KANSL1: variants seen among roughly 807,000 people sequenced by gnomAD.
The protein encoded by KANSL1 is MLL1/MLL complex subunit KANSL1.
In KANSL1, 22 loss-of-function variants were observed where a neutral mutation model predicts 103.6. That is an observed-to-expected ratio of 0.21 (90% CI 0.15 to 0.30). The LOEUF is 0.30. Among genes scored for constraint, KANSL1 ranks in the 10% least tolerant of loss-of-function variants. The pLI is 1.00. For synonymous variants in KANSL1, 600 were observed against 527.6 expected, an observed-to-expected ratio of 1.14 and a Z score of -1.88; for missense variants, 1,337 against 1,399.8, an observed-to-expected ratio of 0.96 and a Z score of 0.72.
rs1162191675 is a variant in KANSL1, at chr17:46,120,798, T to G, written c.1290-26097A>C. 2.0e-5 allele frequency among the ~76,000 whole-genome samples: 3 copies of G among 152,336 alleles called. No homozygotes were observed. In the East Asian group the frequency reaches 5.8e-4, roughly 29 times the overall value. On this transcript the variant is annotated intron_variant, in intron 2 of 14. Coordinates refer to ENST00000432791, the MANE Select transcript of KANSL1 (RefSeq NM_015443.4). ...ATCAAGGTTCGCTTTGTTTTGAATT[T>G]TGACAAATGTAAAACATGTACTTAC...
intron 1 of KANSL1, among the ~76,000 whole-genome samples, chr17:46,185,221 G>A (rs1260541509): frequency 1.3e-5 from 2 of 152,198 alleles, no homozygotes; most frequent in Non-Finnish European, 2.9e-5. Flanking sequence ...ACCAACACAC[G>A]TTAAGCAACC....
intron 3 of KANSL1, among the ~76,000 whole-genome samples, chr17:46,086,156 C>A (rs2079154598): frequency 1.3e-5 from 2 of 151,216 alleles, no homozygotes; most frequent in Admixed American, 6.6e-5. Flanking sequence ...TTCAATTTTT[C>A]TTTTTCAGTT....
At chr17:46,214,855 C>CAGCA (rs1473664026) in intron 1 of KANSL1, among the ~76,000 whole-genome samples, 1 of 152,252 alleles carries the variant, frequency 6.6e-6, no homozygotes, top group Non-Finnish European at 1.5e-5. Context: ...CCACCTTTGA[C>CAGCA]AGCACAGTCA....
At chr17:46,059,048 GAA>G (rs111461865) in intron 6 of KANSL1, among the ~76,000 whole-genome samples, 3 of 108,360 alleles carry the variant, frequency 2.8e-5, no homozygotes, top group Non-Finnish European at 6.1e-5. Context: ...CTCCATCTCG[GAA>G]AAAAAAAAAA....
chr17:46,061,979 C>A (rs1049715119), intron 6 of KANSL1, among the ~76,000 whole-genome samples: 2 of 151,472 alleles, frequency 1.3e-5, no homozygotes, highest in Non-Finnish European at 2.9e-5. Flanking sequence ...GTGATCCCAG[C>A]TACTCAGGAG....
chr17:46,074,758 T>C (rs1350759357), intron 4 of KANSL1, among the ~76,000 whole-genome samples: 1 of 140,996 alleles, frequency 7.1e-6, no homozygotes, highest in African/African-American at 2.7e-5. Context: ...AGTGAGACCC[T>C]ATCTCTAAAT....
chr17:46,183,679 G>T (rs993406294), intron 1 of KANSL1, among the ~76,000 whole-genome samples: 24 of 151,896 alleles, frequency 1.6e-4, no homozygotes, highest in Admixed American at 3.9e-4. Flanking sequence ...GGCCGGGAGA[G>T]GTGGCTCACG....
intron 1 of KANSL1, among the ~76,000 whole-genome samples, chr17:46,200,754 T>G (rs947382020): frequency 1.3e-5 from 2 of 151,828 alleles, no homozygotes; most frequent in African/African-American, 2.4e-5. Context: ...AATATATATA[T>G]ATATATATTT....
chr17:46,208,898 C>G (rs1026282966), intron 1 of KANSL1, among the ~76,000 whole-genome samples: 2 of 151,542 alleles, frequency 1.3e-5, no homozygotes, highest in African/African-American at 4.9e-5. Context: ...AGCCCGGGCG[C>G]AGTGGCTCAC....
chr17:46,193,857 G>A, upstream of KANSL1: 1 of 164,844 alleles, frequency 6.1e-6, no homozygotes, highest in South Asian at 9.7e-5. Context: ...ACGTGAGCGA[G>A]GAACTGTTTG....
intron 6 of KANSL1, among the ~76,000 whole-genome samples, chr17:46,057,326 TTTG>T (rs2077968850): frequency 1.3e-5 from 2 of 152,300 alleles, no homozygotes; most frequent in Middle Eastern, 6.8e-3. Flanking sequence ...AGAAAACTAA[TTTG>T]TTATTTTGAA....
intron 1 of KANSL1, among the ~76,000 whole-genome samples, chr17:46,212,064 A>G (rs887856304): frequency 6.6e-6 from 1 of 152,212 alleles, no homozygotes; most frequent in Non-Finnish European, 1.5e-5. Context: ...ACTTCCTTCC[A>G]TTCTTTTACC....
intron 2 of KANSL1, among the ~76,000 whole-genome samples, chr17:46,161,063 A>G (rs796819885): frequency 8.5e-5 from 13 of 152,286 alleles, no homozygotes; most frequent in African/African-American, 3.1e-4. Flanking sequence ...AATGTGGGCT[A>G]TTATTTCTCT....
intron 1 of KANSL1, among the ~76,000 whole-genome samples, chr17:46,191,963 T>C (rs536310121): frequency 8.2e-6 from 1 of 122,036 alleles, no homozygotes; most frequent in East Asian, 2.4e-4. Context: ...GTTTTATTAA[T>C]AAGTCACAGA....
chr17:46,160,868 G>C (rs1381940700), intron 2 of KANSL1, among the ~76,000 whole-genome samples: 1 of 152,180 alleles, frequency 6.6e-6, no homozygotes, highest in Non-Finnish European at 1.5e-5. Context: ...CCAGGAGATA[G>C]GTAAAGAGCC....
intron 4 of KANSL1, among the ~76,000 whole-genome samples, chr17:46,069,978 T>C (rs1209977562): frequency 6.6e-6 from 1 of 152,022 alleles, no homozygotes; most frequent in Non-Finnish European, 1.5e-5. Context: ...CTATCAAAAA[T>C]TACAGTAAAT....
upstream of KANSL1, among the ~76,000 whole-genome samples, chr17:46,194,791 T>C (rs2047550862): frequency 6.6e-6 from 1 of 152,242 alleles, no homozygotes; most frequent in Non-Finnish European, 1.5e-5. Flanking sequence ...ATACGTCACT[T>C]CTGCTTATCA....
At chr17:46,160,492 C>T (rs2045675475) in intron 2 of KANSL1, among the ~76,000 whole-genome samples, 1 of 152,140 alleles carries the variant, frequency 6.6e-6, no homozygotes, top group Non-Finnish European at 1.5e-5. Flanking sequence ...AGGGGTTTCG[C>T]CATGTTACCC....
At chr17:46,072,340 T>C (rs182051142) in intron 4 of KANSL1, among the ~76,000 whole-genome samples, 15 of 152,290 alleles carry the variant, frequency 9.8e-5, no homozygotes, top group African/African-American at 3.6e-4. Flanking sequence ...ATGTCACACC[T>C]GCTTGCAATG....
Sources: gnomAD v4.1 joint callset for allele counts (sites outside exome capture counted in the v4.1 genomes callset) on GRCh38, gnomAD v4.1.1 for gene constraint, MANE v1.5 for transcripts, NCBI Gene and HGNC (gene_info 2026-07-23, HGNC 2026-07-21) for gene names.